ANO2: variants seen among roughly 807,000 people sequenced by gnomAD.
ANO2 encodes anoctamin-2.
ANO2 carries 101 observed loss-of-function variants against 124.2 expected under a neutral mutation model. That is an observed-to-expected ratio of 0.81 (90% CI 0.69 to 0.96). The LOEUF is 0.96. ANO2 is among the 40% of genes least tolerant of loss of function. The pLI is 0.00. For synonymous variants in ANO2, 486 were observed against 482.5 expected, an observed-to-expected ratio of 1.01 and a Z score of -0.09; for missense variants, 1,293 against 1,274.5, an observed-to-expected ratio of 1.01 and a Z score of -0.22.
At chr12:5,888,886 C>G (rs908654542) in intron 3 of ANO2, among the ~76,000 whole-genome samples, 8 of 152,240 alleles carry the variant, frequency 5.3e-5, no homozygotes, top group Admixed American at 1.3e-4. Flanking sequence ...AGTCCCACGC[C>G]GTGCGCCCAC....
intron 7 of ANO2, 127 bp from the exon 8 acceptor site, chr12:5,807,495 C>A: frequency 1.5e-6 from 1 of 687,496 alleles, no homozygotes. Flanking sequence ...TCCTCTATAT[C>A]ATCCAGGCTA....
chr12:5,934,761 G>T (rs1375726855), intron 1 of ANO2, among the ~76,000 whole-genome samples: 1 of 152,128 alleles, frequency 6.6e-6, no homozygotes, highest in East Asian at 1.9e-4. Context: ...GACATCCTGG[G>T]TATATTCAAT....
intron 3 of ANO2, chr12:5,856,718 G>A (rs1227838794): frequency 6.6e-6 from 1 of 152,184 alleles, no homozygotes; most frequent in Non-Finnish European, 1.5e-5. Context: ...AGCTGGCTCT[G>A]GCTCTAGAGA....
At chr12:5,927,709 G>T (rs560658549) in intron 1 of ANO2, among the ~76,000 whole-genome samples, 1 of 152,238 alleles carries the variant, frequency 6.6e-6, no homozygotes, top group Non-Finnish European at 1.5e-5. Context: ...AACATTAAAA[G>T]GTTCTGCAGA....
chr12:5,942,487 T>C (rs1942935100), intron 1 of ANO2, among the ~76,000 whole-genome samples: 1 of 152,136 alleles, frequency 6.6e-6, no homozygotes, highest in Non-Finnish European at 1.5e-5. Flanking sequence ...CATTACATAA[T>C]GACAGCCATG....
At chr12:5,779,929 C>T (rs1952335952) in intron 10 of ANO2, among the ~76,000 whole-genome samples, 1 of 152,022 alleles carries the variant, frequency 6.6e-6, no homozygotes, top group South Asian at 2.1e-4. Context: ...ACATGTGAGC[C>T]TAGGTTGATT....
chr12:5,735,262 G>A (rs1480052606), intron 13 of ANO2, among the ~76,000 whole-genome samples: 2 of 152,150 alleles, frequency 1.3e-5, no homozygotes, highest in African/African-American at 4.8e-5. Flanking sequence ...AGTCATCACA[G>A]ATCATCACCC....
At chr12:5,701,351 C>A (rs1420371803) in intron 14 of ANO2, among the ~76,000 whole-genome samples, 4 of 152,088 alleles carry the variant, frequency 2.6e-5, no homozygotes, top group Admixed American at 6.6e-5. Context: ...GATTCCTAAT[C>A]TGATGCCAAA....
chr12:5,790,490 T>C (rs1405437861), intron 10 of ANO2, among the ~76,000 whole-genome samples: 2 of 152,142 alleles, frequency 1.3e-5, no homozygotes, highest in Non-Finnish European at 1.5e-5. Context: ...CCAAGAATGC[T>C]TAAATCCCAA....
chr12:5,863,640 G>C (rs1351621880), intron 3 of ANO2, among the ~76,000 whole-genome samples: 1 of 152,136 alleles, frequency 6.6e-6, no homozygotes, highest in South Asian at 2.1e-4. Context: ...AGACAGTGAT[G>C]GTTTCACAGT....
At chr12:5,765,313 C>T (rs1237582113) in intron 10 of ANO2, among the ~76,000 whole-genome samples, 1 of 152,202 alleles carries the variant, frequency 6.6e-6, no homozygotes, top group Non-Finnish European at 1.5e-5. Flanking sequence ...ACAGTAACTA[C>T]TCAGCTCCAG....
chr12:5,725,453 C>A (rs1221057955), intron 14 of ANO2, among the ~76,000 whole-genome samples: 2 of 152,150 alleles, frequency 1.3e-5, no homozygotes, highest in East Asian at 1.9e-4. Flanking sequence ...CAGCGCTTTG[C>A]CGGTTGCTTT....
intron 20 of ANO2, among the ~76,000 whole-genome samples, chr12:5,595,364 C>T (rs978275677): frequency 7.3e-6 from 1 of 137,132 alleles, no homozygotes; most frequent in Non-Finnish European, 1.7e-5. Flanking sequence ...CTACACTCTA[C>T]TGTTTTTTTT....
At chr12:5,914,930 CAGG>C (rs1177809736) in intron 3 of ANO2, among the ~76,000 whole-genome samples, 1 of 152,200 alleles carries the variant, frequency 6.6e-6, no homozygotes. Flanking sequence ...TGGGTCAAAG[CAGG>C]AGGTTTCTTT....
chr12:5,568,975 C>T (rs1027916126), intron 23 of ANO2, among the ~76,000 whole-genome samples: 2 of 152,246 alleles, frequency 1.3e-5, no homozygotes, highest in African/African-American at 4.8e-5. Flanking sequence ...CAATAAATAG[C>T]AACTATTCTT....
In ANO2 at chr12:5,908,669, A is replaced by G. The variant is rs1940854388; in HGVS notation, c.534+12371T>C. 6.6e-6 allele frequency among the ~76,000 whole-genome samples: 1 copy of G among 152,188 alleles called. No individual in the cohort carries two copies. Among genetic ancestry groups the G allele is most frequent in the Non-Finnish European group, 1.5e-5 (1 of 68,030 alleles). ...TCATGGAACCCTCTGACTTTAGCTAAGCTCCTGGGCAAGCCAAGAGAGGTA... is the reference window on the plus strand; with the variant it reads ...TCATGGAACCCTCTGACTTTAGCTAGGCTCCTGGGCAAGCCAAGAGAGGTA... On this transcript the variant is annotated intron_variant, in intron 3 of 24. Coordinates refer to ENST00000682330, the MANE Select transcript of ANO2 (RefSeq NM_001364791.2). The surrounding 1 kb of genome is among the most constrained non-coding windows in gnomAD (Gnocchi z 4.7).
chr12:5,816,392 TG>T (rs2137191427), intron 7 of ANO2, among the ~76,000 whole-genome samples: 1 of 152,170 alleles, frequency 6.6e-6, no homozygotes, highest in South Asian at 2.1e-4. Flanking sequence ...TTGGTCTTCA[TG>T]GGCAGAAGTC....
Position 5,922,735 on chromosome 12 carries a change from G to T in ANO2, c.92C>A (p.Pro31His). 6.2e-7 allele frequency: 1 copy of T among 1,600,790 alleles called. No individual in the cohort carries two copies. The highest frequency in any genetic ancestry group is 1.1e-5 in the South Asian group (1 of 88,396). ...PQAGSRGGQG[P>H]KHGQQCLKMP... Reference sequence around the variant, plus strand: ...CTTGAGACACTGCTGTCCATGTTTGGGGCCCTGGCCCCCTCTGGACCCTGC... The same window carrying T: ...CTTGAGACACTGCTGTCCATGTTTGTGGCCCTGGCCCCCTCTGGACCCTGC... Residue 31 changes from proline (P) to histidine (H), a missense_variant, in exon 2 of 25, where the codon CCC (proline) becomes CAC (histidine). Coordinates refer to ENST00000682330, the MANE Select transcript of ANO2 (RefSeq NM_001364791.2).
At chr12:5,593,029 G>C (rs1346383461) in intron 20 of ANO2, among the ~76,000 whole-genome samples, 1 of 152,192 alleles carries the variant, frequency 6.6e-6, no homozygotes, top group Non-Finnish European at 1.5e-5. Flanking sequence ...GAGCAGGAGA[G>C]GCTGGGGGTC....
Sources: gnomAD v4.1 joint callset for allele counts (sites outside exome capture counted in the v4.1 genomes callset) on GRCh38, gnomAD v4.1.1 for gene constraint, Gnocchi (gnomAD v3.1) non-coding constraint, MANE v1.5 for transcripts, NCBI Gene and HGNC (gene_info 2026-07-23, HGNC 2026-07-21) for gene names.